Variants in WNK2 observed in about 807,000 individuals in gnomAD.
WNK2 encodes the protein WNK lysine deficient protein kinase 2, also known as serine/threonine-protein kinase WNK2.
In WNK2, 67 loss-of-function variants were observed where a neutral mutation model predicts 192.1. The ratio of observed to expected loss-of-function variants is 0.35; its 90% confidence interval spans 0.29 to 0.43. WNK2 has a LOEUF of 0.43. Among genes scored for constraint, WNK2 ranks in the 20% least tolerant of loss-of-function variants. The pLI is 1.00. For missense variants in WNK2, 2,698 were observed against 3,089.7 expected, an observed-to-expected ratio of 0.87 and a Z score of 3.01; for synonymous variants, 1,439 against 1,393.9, an observed-to-expected ratio of 1.03 and a Z score of -0.72.
intron 19 of WNK2, among the ~76,000 whole-genome samples, chr9:93,281,487 T>A (rs556730335): frequency 7.2e-5 from 11 of 152,114 alleles, no homozygotes; most frequent in African/African-American, 2.4e-4. Flanking sequence ...CTAAAGAAAC[T>A]AAAGTAAAAT....
At chr9:93,315,591 G>C (rs1187309627) in intron 28 of WNK2, 1 of 152,184 alleles carries the variant, frequency 6.6e-6, no homozygotes, top group African/African-American at 2.4e-5. Context: ...TTCTTGCTTG[G>C]CAGAATTCAC....
At chr9:93,214,316 T>A (rs1835309004) in intron 2 of WNK2, among the ~76,000 whole-genome samples, 1 of 151,942 alleles carries the variant, frequency 6.6e-6, no homozygotes, top group African/African-American at 2.4e-5. Flanking sequence ...TTTATTTATT[T>A]ATTTTGAGAC....
chr9:93,258,206 G>A (rs1213720063), intron 11 of WNK2, among the ~76,000 whole-genome samples: 3 of 152,172 alleles, frequency 2.0e-5, no homozygotes, highest in Admixed American at 6.5e-5. Context: ...CAGCATGCAC[G>A]AGAAGGCTGT....
chr9:93,286,175 G>A (rs924894865), intron 19 of WNK2, among the ~76,000 whole-genome samples: 23 of 151,534 alleles, frequency 1.5e-4, no homozygotes, highest in African/African-American at 5.1e-4. Context: ...AAATTTGACT[G>A]TATTAAAATA....
intron 26 of WNK2, among the ~76,000 whole-genome samples, chr9:93,301,827 G>T (rs897033722): frequency 1.6e-4 from 24 of 152,214 alleles, no homozygotes; most frequent in Non-Finnish European, 2.6e-4. Flanking sequence ...GTGTTTTGTG[G>T]TATTGCTTGT....
intron 23 of WNK2, among the ~76,000 whole-genome samples, chr9:93,295,449 T>TAA (rs576510048): frequency 1.3e-5 from 2 of 150,122 alleles, no homozygotes; most frequent in African/African-American, 4.9e-5. Context: ...AGGAAGTCAT[T>TAA]AAAAAAAAAC....
chr9:93,263,546 T>C lies in WNK2; in HGVS notation c.3411-20T>C. 2 of 1,609,876 alleles carry C rather than the reference T, an allele frequency of 1.2e-6. No individual in the cohort carries two copies. Among genetic ancestry groups the C allele is most frequent in the Non-Finnish European group, 1.7e-6 (2 of 1,178,570 alleles). On this transcript the variant is annotated intron_variant, in intron 14 of 29. Coordinates refer to ENST00000427277, the MANE Select transcript of WNK2 (RefSeq NM_006648.4). ...GCTGGTTGTCCTTTGGTGCCATTAA[T>C]GTTCTTGGGTTTTGCTCAGCTATGG...
intron 2 of WNK2, among the ~76,000 whole-genome samples, chr9:93,222,642 C>CT (rs528769106): frequency 1.3e-5 from 2 of 152,114 alleles, no homozygotes; most frequent in African/African-American, 2.4e-5. Context: ...TCCTTGGCCA[C>CT]TTTTATTTGG....
In WNK2 at chr9:93,259,071, G is replaced by A. The variant is rs139745075; in HGVS notation, c.2523G>A (p.Pro841=). The A allele has an allele frequency of 1.7e-4, 276 of 1,613,154 alleles. 2 individuals are homozygous for A. In the East Asian group the frequency reaches 3.9e-3, roughly 23 times the overall value. The stretch of plus-strand genomic sequence containing the variant: ...ATTTCTCTCCAGCCGTGATCTTGCC[G>A]AGCCTCGCTGCCCCACTCCCCCCTG... The part of the protein sequence containing the change: ...PQYFSPAVIL[P]SLAAPLPPAS... Residue 841 remains proline, a synonymous_variant, in exon 12 of 30, where the codon CCG becomes CCA. Transcript: ENST00000427277. The surrounding 1 kb of genome is among the most constrained non-coding windows in gnomAD (Gnocchi z 4.8).
At chr9:93,187,581 T>A (rs939248867) in intron 2 of WNK2, among the ~76,000 whole-genome samples, 2 of 152,280 alleles carry the variant, frequency 1.3e-5, no homozygotes, top group South Asian at 4.1e-4. Flanking sequence ...CCCCCTTTGC[T>A]GAGAACTTGG....
chr9:93,309,029 A>G (rs1054028935), intron 28 of WNK2: 78 of 998,068 alleles, frequency 7.8e-5, no homozygotes, highest in Admixed American at 1.1e-4. Flanking sequence ...ACCTGAGCCA[A>G]TGTGGGGCGG....
At chr9:93,218,239 G>A (rs906794254) in intron 2 of WNK2, among the ~76,000 whole-genome samples, 18 of 152,146 alleles carry the variant, frequency 1.2e-4, no homozygotes, top group African/African-American at 3.9e-4. Flanking sequence ...CTTGCCCTGG[G>A]GTGCCCCGCC....
chr9:93,284,459 C>T (rs1165714707), intron 19 of WNK2, among the ~76,000 whole-genome samples: 1 of 152,038 alleles, frequency 6.6e-6, no homozygotes, highest in Non-Finnish European at 1.5e-5. Flanking sequence ...TCTGTTTTTA[C>T]AAAAAACAAA....
At chr9:93,312,740 T>C (rs1356209716) in intron 28 of WNK2, among the ~76,000 whole-genome samples, 1 of 152,204 alleles carries the variant, frequency 6.6e-6, no homozygotes, top group Non-Finnish European at 1.5e-5. Flanking sequence ...TGTTGAAAAC[T>C]GCTTTCCCCT....
At chr9:93,268,777 T>C in intron 19 of WNK2, 31 bp downstream of exon 19, 1 of 1,600,054 alleles carries the variant, frequency 6.2e-7, no homozygotes, top group South Asian at 1.1e-5. Context: ...CACAAGCCCC[T>C]CCCTGTTTCA....
intron 16 of WNK2, among the ~76,000 whole-genome samples, chr9:93,267,486 T>C (rs1845359700): frequency 6.6e-6 from 1 of 152,164 alleles, no homozygotes; most frequent in Admixed American, 6.5e-5. Context: ...TGTAACCAGC[T>C]CCAGCTGGGG....
At chr9:93,253,294 C>T (rs1008345987) in intron 9 of WNK2, among the ~76,000 whole-genome samples, 8 of 151,892 alleles carry the variant, frequency 5.3e-5, no homozygotes, top group African/African-American at 1.2e-4. Flanking sequence ...CTGTCAGCTG[C>T]GGAACTGCTG....
chr9:93,288,987 A>G lies in WNK2; in HGVS notation c.4233A>G (p.Ser1411=), dbSNP rs775519229. 3 of 1,602,036 alleles carry G rather than the reference A, an allele frequency of 1.9e-6. No individual in the cohort carries two copies. Among genetic ancestry groups the G allele is most frequent in the Non-Finnish European group, 1.7e-6 (2 of 1,174,280 alleles). ...CCAGCACCATGCCAGAGCCAGCGTC[A>G]GGAACTGCCAGCCAGGCAGGGGGTC... ...PATSTMPEPA[S]GTASQAGGPG... The change falls in exon 20 of 30, where the codon TCA becomes TCG. Residue 1411 remains serine (S), a synonymous_variant. Coordinates refer to ENST00000427277, the MANE Select transcript of WNK2 (RefSeq NM_006648.4).
chr9:93,318,699 G>T, intron 29 of WNK2: 1 of 1,471,268 alleles, frequency 6.8e-7, no homozygotes, highest in African/African-American at 1.4e-5. Flanking sequence ...GAGACCTGTG[G>T]CTCTGCTCAC....
Sources: allele counts gnomAD v4.1 joint callset (sites outside exome capture counted in the v4.1 genomes callset), GRCh38; gene constraint gnomAD v4.1.1; non-coding constraint Gnocchi (gnomAD v3.1); transcripts MANE v1.5; gene names NCBI Gene and HGNC (gene_info 2026-07-23, HGNC 2026-07-21).